PKHD1: variants seen among roughly 807,000 people sequenced by gnomAD.
The protein encoded by PKHD1 is PKHD1 ciliary IPT domain containing fibrocystin/polyductin.
PKHD1 carries 291 observed loss-of-function variants against 412.0 expected under a neutral mutation model. The observed-to-expected ratio is 0.71, with a 90% CI of 0.64 to 0.78. The LOEUF (loss-of-function observed/expected upper bound fraction) is 0.78. PKHD1 is among the 30% of genes least tolerant of loss of function. The probability of loss-of-function intolerance (pLI) is 0.00; values close to 1 mark genes in which losing one functional copy is unlikely to be tolerated. For synonymous variants in PKHD1, 1,777 were observed against 1,821.5 expected (o/e 0.98, Z 0.62); for missense variants, 4,825 against 4,950.7 (o/e 0.97, Z 0.76).
chr6:51,665,582 T>C (rs1426741146), intron 60 of PKHD1, among the ~76,000 whole-genome samples: 1 of 152,126 alleles, frequency 6.6e-6, no homozygotes, highest in Non-Finnish European at 1.5e-5. Context: ...CTACATGAGC[T>C]GAAAAGTAGG....
chr6:51,743,564 A>C (rs1240292027), intron 60 of PKHD1, among the ~76,000 whole-genome samples: 1 of 152,194 alleles, frequency 6.6e-6, no homozygotes, highest in Non-Finnish European at 1.5e-5. Flanking sequence ...AGTCATCAGC[A>C]TTTGATGGTA....
chr6:51,759,007 C>T (rs716841), intron 55 of PKHD1, among the ~76,000 whole-genome samples: 2 of 152,088 alleles, frequency 1.3e-5, no homozygotes, highest in African/African-American at 2.4e-5. Context: ...ACAAAACATG[C>T]CCTGTCTCAC....
At chr6:51,702,975 C>T (rs895956588) in intron 60 of PKHD1, among the ~76,000 whole-genome samples, 2 of 142,222 alleles carry the variant, frequency 1.4e-5, no homozygotes, top group African/African-American at 5.1e-5. Context: ...AACAAGGAAA[C>T]AAAGATAAAT....
chr6:51,746,684 CATAAATATGGCTTATT>C lies in PKHD1; in HGVS notation c.9998+21_9998+36del. On this transcript the variant is annotated intron_variant, in intron 59 of 66. Transcript: ENST00000371117. The stretch of plus-strand genomic sequence containing the variant: ...GGGTTTGAAGAATTGCCAAGTACTT[CATAAATATGGCTTATT>C]ATAAATACTAAAAATTATACCTGGG... 3 of 1,346,780 alleles carry C rather than the reference CATAAATATGGCTTATT, an allele frequency of 2.2e-6. No individual in the cohort carries two copies. The South Asian group carries it at 3.5e-5, about 16-fold the overall frequency. The allele number at this position is 1,346,780 out of a possible 1,614,324, so 83.4% of individuals were successfully genotyped here.
chr6:52,039,338 TCATGGGG>T (rs56341512), intron 27 of PKHD1, among the ~76,000 whole-genome samples: 41,547 of 151,860 alleles, frequency 0.27, 5,803 homozygotes, highest in East Asian at 0.46. Context: ...GATGATTGCA[TCATGGGG>T]GCAGATTTCC....
intron 12 of PKHD1, 74 bp from the exon 13 acceptor site, chr6:52,065,124 T>C: frequency 2.7e-6 from 1 of 366,210 alleles, no homozygotes; most frequent in Middle Eastern, 6.5e-4. Context: ...TGTGTGGGTA[T>C]ATGTATAATT....
At chr6:51,869,024 A>T (rs888010760) in intron 47 of PKHD1, among the ~76,000 whole-genome samples, 1 of 152,178 alleles carries the variant, frequency 6.6e-6, no homozygotes, top group African/African-American at 2.4e-5. Flanking sequence ...AAAAAAAGAA[A>T]ATAAAATGAA....
chr6:51,848,113 G>T, intron 49 of PKHD1, 143 bp from the exon 50 acceptor site: 1 of 670,618 alleles, frequency 1.5e-6, no homozygotes, highest in African/African-American at 1.8e-5. Flanking sequence ...GACCCAGATT[G>T]TACTTTTCTT....
At position 51,893,052 on chromosome 6, in the gene PKHD1, G is replaced by A. The variant is rs186375440; in HGVS notation, c.6997-5807C>T. ...TCCACGAGCCTTGGGAAAGGTCAGC[G>A]GTACATAAGAACCGAGGGCCAGAGA... On this transcript the variant is annotated intron_variant, in intron 43 of 66. Transcript: ENST00000371117. 1.6e-4 allele frequency among the ~76,000 whole-genome samples: 24 copies of A among 152,170 alleles called. No homozygotes were observed. In the East Asian group the frequency reaches 3.5e-3, roughly 22 times the overall value.
intron 33 of PKHD1, among the ~76,000 whole-genome samples, chr6:52,020,600 C>T (rs1801252854): frequency 6.6e-6 from 1 of 152,184 alleles, no homozygotes; most frequent in South Asian, 2.1e-4. Context: ...ACTTCCAGAA[C>T]TGCTGCCATA....
intron 37 of PKHD1, among the ~76,000 whole-genome samples, chr6:51,923,723 C>T (rs535963669): frequency 1.1e-4 from 17 of 152,268 alleles, no homozygotes; most frequent in African/African-American, 4.1e-4. Flanking sequence ...CTTTGTACCT[C>T]TATCAAGAAT....
At chr6:51,804,645 A>G (rs1335303606) in intron 52 of PKHD1, among the ~76,000 whole-genome samples, 2 of 152,188 alleles carry the variant, frequency 1.3e-5, no homozygotes, top group Non-Finnish European at 2.9e-5. Flanking sequence ...GAAGAAAAAT[A>G]CATAATACTA....
chr6:51,732,489 G>C (rs1425306733), intron 60 of PKHD1, among the ~76,000 whole-genome samples: 1 of 152,130 alleles, frequency 6.6e-6, no homozygotes, highest in Non-Finnish European at 1.5e-5. Flanking sequence ...TATGGGACTT[G>C]AATAGACATT....
chr6:51,616,750 G>A lies in PKHD1; in HGVS notation c.*2331C>T, dbSNP rs76762827. ...TGGTTATTCCTACGCAGAGGGATAGGATAAAACATGCCTCCCAGAAAGACT... is the reference window on the plus strand; with the variant it reads ...TGGTTATTCCTACGCAGAGGGATAGAATAAAACATGCCTCCCAGAAAGACT... On this transcript the variant is annotated 3_prime_UTR_variant, in exon 67 of 67. Transcript: ENST00000371117. The A allele has an allele frequency of 0.046, 18,125 of 398,242 alleles. 599 individuals carry two copies. The highest frequency in any genetic ancestry group is 0.063 in the Non-Finnish European group (14,164 of 225,844). The allele number at this position is 398,242 out of a possible 1,614,324, so 24.7% of individuals were successfully genotyped here. A position where few individuals can be genotyped will look rare whatever the true frequency, so the allele number is the denominator to read the frequency against.
Position 51,836,414 on chromosome 6 carries a change from T to C in PKHD1, c.8163A>G (p.Pro2721=), listed in dbSNP as rs764470314. 1.2e-6 allele frequency: 2 copies of C among 1,610,462 alleles called. No homozygotes were observed. Among genetic ancestry groups the C allele is most frequent in the Admixed American group, 3.3e-5 (2 of 59,996 alleles). ...VILRVKEGMP[P]TISASTSAPE... is the part of the protein sequence containing the mutation. ...TGTGTTAATACTCACCTGAAATAGT[T>C]GGGGGCATACCTTCCTTCACCCGGA... is the stretch of plus-strand genomic sequence containing the variant. The change falls in exon 51 of 67, where the codon CCA becomes CCG. Residue 2721 remains proline (P), a synonymous_variant. Coordinates refer to ENST00000371117, the MANE Select transcript of PKHD1 (RefSeq NM_138694.4).
At chr6:51,940,415 C>T (rs113241601) in intron 36 of PKHD1, among the ~76,000 whole-genome samples, 2,058 of 151,770 alleles carry the variant, frequency 0.014, 57 homozygotes, top group African/African-American at 0.047. Flanking sequence ...CCGCAGCTGT[C>T]AGGGGTTCCT....
Position 52,046,985 on chromosome 6 carries a change from G to A in PKHD1, c.2408-797C>T, listed in dbSNP as rs1290251447. 2.0e-5 allele frequency among the ~76,000 whole-genome samples: 3 copies of A among 152,170 alleles called. No individual in the cohort carries two copies. In the East Asian group the frequency reaches 5.8e-4, roughly 29 times the overall value. On this transcript the variant is annotated intron_variant, in intron 23 of 66. Coordinates refer to ENST00000371117, the MANE Select transcript of PKHD1 (RefSeq NM_138694.4). ...TCTTGAATTCCACGCTGCCCTGAAG[G>A]GCTAATAAAATATCACTGCGTTTCT...
At chr6:51,638,288 T>C (rs188983282) in intron 64 of PKHD1, among the ~76,000 whole-genome samples, 11 of 152,316 alleles carry the variant, frequency 7.2e-5, no homozygotes, top group African/African-American at 2.2e-4. Context: ...TCCTCATTAG[T>C]GAGTTAAATA....
At position 51,615,947 on chromosome 6, in the gene PKHD1, C is replaced by G. The variant is rs1010585441; in HGVS notation, c.*3134G>C. ...TTTCCCTGAACACAGTCCCTGCCCCCCAAAAAATGTCCCCCTCCCCAAACA... is the reference window on the plus strand; with the variant it reads ...TTTCCCTGAACACAGTCCCTGCCCCGCAAAAAATGTCCCCCTCCCCAAACA... On this transcript the variant is annotated 3_prime_UTR_variant, in exon 67 of 67. Transcript: ENST00000371117. 2.0e-5 allele frequency: 3 copies of G among 151,806 alleles called. No homozygotes were observed. The highest frequency in any genetic ancestry group is 7.3e-5 in the African/African-American group (3 of 41,314). The allele number at this position is 151,806 out of a possible 1,614,324, so 9.4% of individuals were successfully genotyped here. A position where few individuals can be genotyped will look rare whatever the true frequency, so the allele number is the denominator to read the frequency against.
Sources: allele counts gnomAD v4.1 joint callset (sites outside exome capture counted in the v4.1 genomes callset), GRCh38; gene constraint gnomAD v4.1.1; transcripts MANE v1.5; gene names NCBI Gene and HGNC (gene_info 2026-07-23, HGNC 2026-07-21).